Variants in UBAC2 observed in about 807,000 individuals in gnomAD.
UBAC2 encodes ubiquitin-associated domain-containing protein 2.
In UBAC2, 26 loss-of-function variants were observed where a neutral mutation model predicts 44.0. The observed-to-expected ratio is 0.59, with a 90% CI of 0.43 to 0.82. The LOEUF is 0.82. UBAC2 is among the 40% of genes least tolerant of loss of function. The pLI is 0.00. For synonymous variants in UBAC2, 155 were observed against 154.3 expected (o/e 1.00, Z -0.04); for missense variants, 329 against 419.4 (o/e 0.78, Z 1.88).
At chr13:99,351,135 G>T (rs1442894788) in intron 7 of UBAC2, among the ~76,000 whole-genome samples, 1 of 152,198 alleles carries the variant, frequency 6.6e-6, no homozygotes, top group African/African-American at 2.4e-5. Context: ...GAATACTGTT[G>T]TCATTGGGGA....
intron 4 of UBAC2, among the ~76,000 whole-genome samples, chr13:99,266,863 C>A (rs1240701320): frequency 6.6e-6 from 1 of 152,142 alleles, no homozygotes; most frequent in Non-Finnish European, 1.5e-5. Context: ...ACTTTCAGTT[C>A]TTTTGGGTTA....
At chr13:99,248,004 T>C (rs2043409693) in intron 4 of UBAC2, among the ~76,000 whole-genome samples, 1 of 152,142 alleles carries the variant, frequency 6.6e-6, no homozygotes, top group Non-Finnish European at 1.5e-5. Flanking sequence ...AACCTCTCGT[T>C]GTTTCATGAA....
intron 6 of UBAC2, among the ~76,000 whole-genome samples, chr13:99,328,132 T>G (rs960446155): frequency 1.3e-5 from 2 of 152,246 alleles, no homozygotes; most frequent in African/African-American, 4.8e-5. Context: ...TTCTTTCACT[T>G]GAACATGAAA....
At chr13:99,369,207 AATG>A (rs2045373405) in intron 8 of UBAC2, among the ~76,000 whole-genome samples, 1 of 152,218 alleles carries the variant, frequency 6.6e-6, no homozygotes, top group Non-Finnish European at 1.5e-5. Context: ...TTCAGGGAAA[AATG>A]ATCAATATAT....
intron 4 of UBAC2, among the ~76,000 whole-genome samples, chr13:99,275,241 C>A (rs1439733528): frequency 6.6e-6 from 1 of 152,162 alleles, no homozygotes; most frequent in African/African-American, 2.4e-5. Flanking sequence ...CAGTCATCTT[C>A]AGGCTTTACT....
At chr13:99,214,927 C>G (rs2042974290) in intron 1 of UBAC2, among the ~76,000 whole-genome samples, 1 of 151,642 alleles carries the variant, frequency 6.6e-6, no homozygotes, top group Admixed American at 6.6e-5. Context: ...GTCAGCCCAG[C>G]AGTAAACATC....
intron 6 of UBAC2, among the ~76,000 whole-genome samples, chr13:99,322,036 T>C (rs186354238): frequency 6.6e-6 from 1 of 152,366 alleles, no homozygotes; most frequent in Admixed American, 6.5e-5. Flanking sequence ...AATGCAAACA[T>C]TTAGTATTTA....
At chr13:99,351,963 A>C (rs2045099161) in intron 7 of UBAC2, 1 of 347,928 alleles carries the variant, frequency 2.9e-6, no homozygotes, top group Non-Finnish European at 5.7e-6. Context: ...CATTTGGTTA[A>C]AGTGAGTTTA....
intron 2 of UBAC2, among the ~76,000 whole-genome samples, chr13:99,241,278 AAAAAAG>A (rs1566462954): frequency 6.6e-6 from 1 of 151,934 alleles, no homozygotes; most frequent in Non-Finnish European, 1.5e-5. Flanking sequence ...AAAAAAAAAA[AAAAAAG>A]AAAAGAGTTA....
intron 5 of UBAC2, among the ~76,000 whole-genome samples, chr13:99,315,443 A>G (rs989603122): frequency 1.1e-4 from 16 of 152,214 alleles, no homozygotes; most frequent in African/African-American, 3.6e-4. Flanking sequence ...CATTCACTGT[A>G]TAGTTCTTCC....
At chr13:99,318,731 G>T (rs549578751) in intron 6 of UBAC2, among the ~76,000 whole-genome samples, 2 of 148,708 alleles carry the variant, frequency 1.3e-5, no homozygotes, top group East Asian at 4.1e-4. Flanking sequence ...TGAGGCAGGA[G>T]AATGGCGTGG....
chr13:99,273,893 CTG>C (rs2043849472), intron 4 of UBAC2, among the ~76,000 whole-genome samples: 2 of 144,434 alleles, frequency 1.4e-5, no homozygotes, highest in Admixed American at 6.9e-5. Flanking sequence ...CTTTCTTTCT[CTG>C]TGTTTTTGCT....
rs948770399 is a variant in UBAC2 at position 99,200,900 on chromosome 13, G to A, written c.-9G>A. The A allele has an allele frequency of 6.1e-6, 8 of 1,303,390 alleles. No individual in the cohort carries two copies. Among genetic ancestry groups the A allele is most frequent in the Admixed American group, 3.3e-5 (1 of 30,440 alleles). The allele number at this position is 1,303,390 out of a possible 1,614,324, so 80.7% of individuals were successfully genotyped here. A position where few individuals can be genotyped will look rare whatever the true frequency, so the allele number is the denominator to read the frequency against. Reference sequence around the variant, plus strand: ...CGGCGCCCTCTGGGGCTCCGAGCCCGGCGGGACCATGTTCACCAGCACCGG... The same window carrying A: ...CGGCGCCCTCTGGGGCTCCGAGCCCAGCGGGACCATGTTCACCAGCACCGG... On this transcript the variant is annotated 5_prime_UTR_variant, in exon 1 of 9. Coordinates refer to ENST00000403766, the MANE Select transcript of UBAC2 (RefSeq NM_001144072.2).
intron 4 of UBAC2, among the ~76,000 whole-genome samples, chr13:99,288,451 T>C (rs535998770): frequency 3.3e-5 from 5 of 152,348 alleles, no homozygotes; most frequent in Admixed American, 2.0e-4. Flanking sequence ...AGGTGAACTC[T>C]TGAAACAAAA....
At chr13:99,292,704 A>G in intron 4 of UBAC2, among the ~76,000 whole-genome samples, 1 of 114,188 alleles carries the variant, frequency 8.8e-6, no homozygotes, top group Non-Finnish European at 1.8e-5. Flanking sequence ...GATCCAAACT[A>G]AATAGCTTTG....
chr13:99,335,750 C>G (rs2044779721), intron 6 of UBAC2, among the ~76,000 whole-genome samples: 1 of 152,236 alleles, frequency 6.6e-6, no homozygotes, highest in Non-Finnish European at 1.5e-5. Context: ...TGCTTCCTCT[C>G]TCTCTCATGC....
intron 7 of UBAC2, among the ~76,000 whole-genome samples, chr13:99,355,715 C>T (rs1448352237): frequency 2.6e-5 from 4 of 152,258 alleles, no homozygotes; most frequent in Non-Finnish European, 4.4e-5. Context: ...TCAAAACAAA[C>T]GAGAGCCAGG....
intron 7 of UBAC2, among the ~76,000 whole-genome samples, chr13:99,342,729 C>G (rs141117277): frequency 6.6e-6 from 1 of 152,304 alleles, no homozygotes; most frequent in Non-Finnish European, 1.5e-5. Flanking sequence ...GTTCCTTTAG[C>G]TGGATCCTCC....
At chr13:99,349,448 C>T (rs961226551) in intron 7 of UBAC2, among the ~76,000 whole-genome samples, 14 of 152,240 alleles carry the variant, frequency 9.2e-5, no homozygotes, top group East Asian at 1.9e-4. Context: ...CAGCTGGGCC[C>T]GAGGGACCAC....
Sources: allele counts gnomAD v4.1 joint callset (sites outside exome capture counted in the v4.1 genomes callset), GRCh38; gene constraint gnomAD v4.1.1; transcripts MANE v1.5; gene names NCBI Gene and HGNC (gene_info 2026-07-23, HGNC 2026-07-21).